The following EPSTI1 variants were observed in gnomAD, a reference collection of about 807,000 sequenced individuals.
The protein encoded by EPSTI1 is epithelial-stromal interaction protein 1.
EPSTI1 carries 66 observed loss-of-function variants against 49.9 expected under a neutral mutation model. The ratio of observed to expected loss-of-function variants is 1.32; its 90% CI spans 1.08 to 1.62. EPSTI1 has a LOEUF of 1.62. Among genes scored for constraint, EPSTI1 ranks in the 40% most tolerant of loss-of-function variants. The pLI is 0.00. For missense variants in EPSTI1, 394 were observed against 365.5 expected (o/e 1.08, Z -0.64); for synonymous variants, 137 against 130.7 (o/e 1.05, Z -0.33).
intron 6 of EPSTI1, among the ~76,000 whole-genome samples, chr13:42,952,058 C>A (rs1164074516): frequency 6.6e-6 from 1 of 152,162 alleles, no homozygotes; most frequent in East Asian, 1.9e-4. Context: ...TAAAAATGCA[C>A]CAATCAGCGC....
At chr13:42,937,239 T>C (rs1339578987) in intron 6 of EPSTI1, among the ~76,000 whole-genome samples, 1 of 152,112 alleles carries the variant, frequency 6.6e-6, no homozygotes, top group Non-Finnish European at 1.5e-5. Context: ...AATGCTAACA[T>C]CTGAGCCTTT....
intron 8 of EPSTI1, among the ~76,000 whole-genome samples, chr13:42,906,593 G>A (rs1050565923): frequency 6.6e-6 from 1 of 152,206 alleles, no homozygotes; most frequent in African/African-American, 2.4e-5. Flanking sequence ...TCCTTTGAAG[G>A]TTTAATACAG....
At chr13:42,962,269 C>T (rs937513465) in intron 5 of EPSTI1, among the ~76,000 whole-genome samples, 2 of 152,094 alleles carry the variant, frequency 1.3e-5, no homozygotes, top group African/African-American at 4.8e-5. Flanking sequence ...GATTCTGATT[C>T]GGTAGGTCTG....
intron 2 of EPSTI1, 166 bp from the exon 3 acceptor site, chr13:42,969,343 G>A (rs1306614931): frequency 3.0e-6 from 2 of 664,730 alleles, no homozygotes; most frequent in Non-Finnish European, 5.0e-6. Flanking sequence ...GACCCGTACA[G>A]GTCATCCTGG....
At chr13:42,920,068 CT>C (rs753994904) in intron 7 of EPSTI1, among the ~76,000 whole-genome samples, 9 of 152,246 alleles carry the variant, frequency 5.9e-5, no homozygotes, top group Non-Finnish European at 1.3e-4. Context: ...CCGATTTCCC[CT>C]TTTTATAAAG....
At chr13:42,890,391 A>T (rs931600771) in intron 10 of EPSTI1, among the ~76,000 whole-genome samples, 1 of 142,334 alleles carries the variant, frequency 7.0e-6, no homozygotes, top group Admixed American at 7.3e-5. Flanking sequence ...TCCGCCTCCC[A>T]GGTTCACGCC....
chr13:42,962,313 C>T (rs2039474712), intron 5 of EPSTI1, among the ~76,000 whole-genome samples: 2 of 152,182 alleles, frequency 1.3e-5, no homozygotes, highest in African/African-American at 4.8e-5. Flanking sequence ...TTCTAACAAA[C>T]TCCCAGATGA....
chr13:42,899,328 C>T (rs949672555), intron 9 of EPSTI1, among the ~76,000 whole-genome samples: 3 of 152,082 alleles, frequency 2.0e-5, no homozygotes, highest in East Asian at 1.9e-4. Context: ...ATAGCCTAAC[C>T]GACATATCAG....
At chr13:42,918,965 A>G (rs1045972284) in intron 7 of EPSTI1, among the ~76,000 whole-genome samples, 4 of 152,114 alleles carry the variant, frequency 2.6e-5, no homozygotes, top group African/African-American at 9.7e-5. Flanking sequence ...GAGGGTGAGA[A>G]GAGAGGACAG....
chr13:42,906,095 G>T (rs138191525), intron 8 of EPSTI1, among the ~76,000 whole-genome samples: 182 of 152,350 alleles, frequency 1.2e-3, no homozygotes, highest in Non-Finnish European at 2.0e-3. Flanking sequence ...ACCCGATGCA[G>T]TGCTCACCCA....
chr13:42,979,633 C>G (rs557915780), intron 1 of EPSTI1, among the ~76,000 whole-genome samples: 29 of 150,506 alleles, frequency 1.9e-4, no homozygotes, highest in African/African-American at 6.6e-4. Flanking sequence ...GCCTAACAAG[C>G]AAAGTTATAT....
chr13:42,990,125 C>T lies in EPSTI1; in HGVS notation c.188+1853G>A, dbSNP rs147720718. ...CCAACAGGATCTCAGACATCAAACCCCTAAAAGGGAATATATAATTCTGTA... is the reference window on the plus strand; with the variant it reads ...CCAACAGGATCTCAGACATCAAACCTCTAAAAGGGAATATATAATTCTGTA... On this transcript the variant is annotated intron_variant, in intron 1 of 10. Transcript: ENST00000313624. Among the ~76,000 whole-genome samples the T allele has an allele frequency of 9.0e-3, 1,356 of 150,974 alleles. 7 individuals carry two copies. Among genetic ancestry groups the T allele is most frequent in the South Asian group, 0.026 (125 of 4,754 alleles).
intron 1 of EPSTI1, among the ~76,000 whole-genome samples, chr13:42,971,780 G>A (rs2039774278): frequency 6.6e-6 from 1 of 152,200 alleles, no homozygotes; most frequent in Admixed American, 6.5e-5. Context: ...CTAGCCTTCA[G>A]CCAGCTTCAA....
chr13:42,927,763 TAGA>T (rs1426304653), intron 6 of EPSTI1, among the ~76,000 whole-genome samples: 1 of 152,200 alleles, frequency 6.6e-6, no homozygotes, highest in Non-Finnish European at 1.5e-5. Flanking sequence ...CCATTTGTCT[TAGA>T]TTACTTATCT....
At chr13:42,942,129 G>C (rs187066194) in intron 6 of EPSTI1, among the ~76,000 whole-genome samples, 1 of 151,958 alleles carries the variant, frequency 6.6e-6, no homozygotes, top group African/African-American at 2.4e-5. Flanking sequence ...TTTTCACCTT[G>C]AATTCAATTT....
intron 8 of EPSTI1, among the ~76,000 whole-genome samples, chr13:42,911,985 T>C (rs1722889649): frequency 6.6e-6 from 1 of 152,212 alleles, no homozygotes; most frequent in South Asian, 2.1e-4. Flanking sequence ...GTATGTGTTC[T>C]ATAATAATAA....
In EPSTI1 at chr13:42,956,311, C is replaced by T. The variant is rs577434688; in HGVS notation, c.490-2290G>A. 1.4e-3 allele frequency among the ~76,000 whole-genome samples: 214 copies of T among 152,228 alleles called. 2 individuals are homozygous for T. The highest frequency in any genetic ancestry group is 4.4e-3 in the African/African-American group (184 of 41,548). On this transcript the variant is annotated intron_variant, in intron 5 of 10. Transcript: ENST00000313624. ...TGCTTCTTTCTATGGAGAGTGGACT[C>T]ACAGCTTTCTTCATATTCCCCAAAG... is the stretch of plus-strand genomic sequence containing the variant.
At chr13:42,900,869 G>A (rs766205240) in intron 8 of EPSTI1, among the ~76,000 whole-genome samples, 4 of 152,122 alleles carry the variant, frequency 2.6e-5, no homozygotes, top group Non-Finnish European at 2.9e-5. Context: ...TGGAGAGTAA[G>A]CACTCACCTA....
intron 8 of EPSTI1, among the ~76,000 whole-genome samples, chr13:42,916,774 T>C (rs1382407751): frequency 2.0e-5 from 3 of 152,186 alleles, no homozygotes; most frequent in South Asian, 2.1e-4. Context: ...GATAAATCAT[T>C]TAGTTAGCTG....
Sources: allele counts gnomAD v4.1 joint callset (sites outside exome capture counted in the v4.1 genomes callset), GRCh38; gene constraint gnomAD v4.1.1; transcripts MANE v1.5; gene names NCBI Gene and HGNC (gene_info 2026-07-23, HGNC 2026-07-21).